Variants in THBS4 observed in about 807,000 individuals in gnomAD.
THBS4 encodes the protein thrombospondin-4.
THBS4 carries 90 observed loss-of-function variants against 115.7 expected under a neutral mutation model. That is an observed-to-expected ratio of 0.78 (90% CI 0.66 to 0.93). The LOEUF is 0.93. Among genes scored for constraint, THBS4 ranks in the 40% least tolerant of loss-of-function variants. The probability of loss-of-function intolerance (pLI) is 0.00; values close to 1 mark genes in which losing one functional copy is unlikely to be tolerated. For synonymous variants in THBS4, 460 were observed against 479.3 expected (o/e 0.96, Z 0.53); for missense variants, 1,087 against 1,232.7 (o/e 0.88, Z 1.77).
rs931429098 is a variant in THBS4, at chr5:80,082,988, G to C, written c.2825-92G>C. The C allele has an allele frequency of 5.3e-6, 6 of 1,123,500 alleles. No individual in the cohort carries two copies. In the African/African-American group the frequency reaches 7.8e-5, roughly 15 times the overall value. 69.6% of individuals were successfully genotyped at this position (1,123,500 alleles called of 1,614,324 possible). On this transcript the variant is annotated intron_variant, in intron 21 of 21. Transcript: ENST00000350881. ...GGGGCGTCCTGGGCGGGCTAACAGC[G>C]CCCCCTACAGGACGCCTGAGCCGCG...
At chr5:80,036,644 G>A (rs17884706) in intron 1 of THBS4, among the ~76,000 whole-genome samples, 1,910 of 152,312 alleles carry the variant, frequency 0.013, 46 homozygotes, top group African/African-American at 0.044. Flanking sequence ...TGGGTAGAAA[G>A]CAGTTAAACA....
intron 1 of THBS4, among the ~76,000 whole-genome samples, chr5:79,993,756 T>C (rs1831735890): frequency 1.3e-5 from 2 of 152,242 alleles, no homozygotes; most frequent in African/African-American, 4.8e-5. Context: ...TGTTAGGCTC[T>C]TTTTGTCTGG....
chr5:80,079,565 C>T (rs1385509436), intron 19 of THBS4, among the ~76,000 whole-genome samples: 1 of 152,166 alleles, frequency 6.6e-6, no homozygotes, highest in Non-Finnish European at 1.5e-5. Context: ...CAACTTTGTA[C>T]AGGAGGGCTG....
rs575564096 is a variant in THBS4, at chr5:80,065,413, G to T, written c.1130G>T (p.Cys377Phe). 6.2e-7 allele frequency: 1 copy of T among 1,612,738 alleles called. No homozygotes were observed. Among genetic ancestry groups the T allele is most frequent in the South Asian group, 1.1e-5 (1 of 90,870 alleles). Reference protein sequence around the residue: ...ISFAKSNKQVCTDIDECRNGA... With the variant: ...ISFAKSNKQVFTDIDECRNGA... ...CTTTGAACTTTTCTGCACTAGGTCTGCACTGACATTGATGAGTGTCGAAAT... is the reference window on the plus strand; with the variant it reads ...CTTTGAACTTTTCTGCACTAGGTCTTCACTGACATTGATGAGTGTCGAAAT... Residue 377 changes from cysteine to phenylalanine, a missense_variant, in exon 9 of 22, where the codon TGC becomes TTC. Coordinates refer to ENST00000350881, the MANE Select transcript of THBS4 (RefSeq NM_003248.6).
At chr5:80,080,281 AG>A in intron 20 of THBS4, 1 of 600,122 alleles carries the variant, frequency 1.7e-6, no homozygotes, top group Non-Finnish European at 2.9e-6. Flanking sequence ...ACAGGACAGT[AG>A]GACCAAGATG....
intron 2 of THBS4, among the ~76,000 whole-genome samples, chr5:80,021,139 TG>T (rs1387599504): frequency 6.6e-6 from 1 of 152,180 alleles, no homozygotes; most frequent in Non-Finnish European, 1.5e-5. Flanking sequence ...GAAACAGTTT[TG>T]TTGCAGTGGT....
At chr5:80,028,452 T>C (rs1832522481) in intron 2 of THBS4, among the ~76,000 whole-genome samples, 1 of 145,060 alleles carries the variant, frequency 6.9e-6, no homozygotes, top group African/African-American at 2.5e-5. Context: ...CGCACCATAC[T>C]TTTTTTTTTT....
intron 5 of THBS4, 93 bp from the exon 6 acceptor site, chr5:80,059,346 AG>A: frequency 6.1e-6 from 7 of 1,154,364 alleles, no homozygotes; most frequent in South Asian, 3.0e-5. Flanking sequence ...AAAAAAAAAA[AG>A]TGTTACATAG....
At chr5:80,054,071 A>G (rs1833338671) in intron 2 of THBS4, among the ~76,000 whole-genome samples, 1 of 152,194 alleles carries the variant, frequency 6.6e-6, no homozygotes, top group Non-Finnish European at 1.5e-5. Flanking sequence ...CCACATAGGA[A>G]AAACAAAACA....
At chr5:80,015,864 C>T (rs901589909) in intron 2 of THBS4, among the ~76,000 whole-genome samples, 8 of 152,216 alleles carry the variant, frequency 5.3e-5, no homozygotes, top group African/African-American at 1.4e-4. Context: ...GTATCTTTTA[C>T]GAGGTGAGCA....
At chr5:79,991,924 A>G (rs750930870) in intron 1 of THBS4, among the ~76,000 whole-genome samples, 4 of 152,218 alleles carry the variant, frequency 2.6e-5, no homozygotes, top group Non-Finnish European at 5.9e-5. Flanking sequence ...CTCCCTAGCT[A>G]CAGACCTTTT....
At chr5:80,074,626 CTTT>C (rs35937190) in intron 15 of THBS4, among the ~76,000 whole-genome samples, 3 of 142,472 alleles carry the variant, frequency 2.1e-5, no homozygotes, top group Non-Finnish European at 3.1e-5. Context: ...CTCTCTCTCT[CTTT>C]TTTTTTTTTT....
In THBS4 at chr5:80,035,972, C is replaced by A. The variant is rs867346078; in HGVS notation, c.88+347C>A. 1.9e-6 allele frequency: 2 copies of A among 1,034,170 alleles called. No homozygotes were observed. Among genetic ancestry groups the A allele is most frequent in the South Asian group, 4.6e-5 (1 of 21,768 alleles). The allele number at this position is 1,034,170 out of a possible 1,614,324, so 64.1% of individuals were successfully genotyped here. On this transcript the variant is annotated intron_variant, in intron 1 of 21. Coordinates refer to ENST00000350881, the MANE Select transcript of THBS4 (RefSeq NM_003248.6). The surrounding 1 kb of genome is among the most constrained non-coding windows in gnomAD (Gnocchi z 4.6). ...GTAGGGTGAATTCCGGGTCCTGCAC[C>A]CTGTGCCGGTTCCCTCCAGGCAGCC...
chr5:80,078,748 A>G, intron 17 of THBS4, 173 bp from the exon 18 acceptor site: 1 of 559,820 alleles, frequency 1.8e-6, no homozygotes, highest in Admixed American at 3.2e-5. Context: ...TTACAAGCAC[A>G]TGCTTTCTTT....
chr5:80,030,561 G>T (rs532751295), upstream of THBS4, among the ~76,000 whole-genome samples: 2 of 152,232 alleles, frequency 1.3e-5, no homozygotes, highest in South Asian at 4.2e-4. Flanking sequence ...TAGAGACGGG[G>T]TTTCACCATG....
chr5:80,055,725 A>T, intron 2 of THBS4, 60 bp from the exon 3 acceptor site: 1 of 1,563,498 alleles, frequency 6.4e-7, no homozygotes, highest in Non-Finnish European at 8.7e-7. Flanking sequence ...CCATTTGTTG[A>T]CCCTCCACTT....
chr5:80,068,842 C>G (rs1415290065), intron 10 of THBS4: 1 of 152,780 alleles, frequency 6.5e-6, no homozygotes, highest in Admixed American at 6.5e-5. Context: ...GTAGTGGGCC[C>G]TATGTGAAGG....
chr5:80,016,416 GTTCT>G (rs556886197), intron 2 of THBS4, among the ~76,000 whole-genome samples: 1 of 152,152 alleles, frequency 6.6e-6, no homozygotes, highest in East Asian at 1.9e-4. Context: ...TATTTTCTGT[GTTCT>G]TTTTCTGTGT....
chr5:80,030,374 A>ATT (rs1052484408), upstream of THBS4, among the ~76,000 whole-genome samples: 1 of 147,042 alleles, frequency 6.8e-6, no homozygotes, highest in Non-Finnish European at 1.5e-5. Context: ...TAATTTTTTA[A>ATT]TTTTTTTTTT....
Sources: allele counts gnomAD v4.1 joint callset (sites outside exome capture counted in the v4.1 genomes callset), GRCh38; gene constraint gnomAD v4.1.1; non-coding constraint Gnocchi (gnomAD v3.1); transcripts MANE v1.5; gene names NCBI Gene and HGNC (gene_info 2026-07-23, HGNC 2026-07-21).